Variants in SPOCK3 observed in about 807,000 individuals in gnomAD.
SPOCK3 encodes SPARC (osteonectin), cwcv and kazal like domains proteoglycan 3.
Under a neutral mutation model 56.6 loss-of-function variants are expected in SPOCK3, and 30 were observed. The ratio of observed to expected loss-of-function variants is 0.53; its 90% confidence interval spans 0.40 to 0.72. The LOEUF is 0.72. Among genes scored for constraint, SPOCK3 ranks in the 30% least tolerant of loss-of-function variants. SPOCK3 has a pLI of 0.00. For missense variants in SPOCK3, 527 were observed against 530.0 expected, an observed-to-expected ratio of 0.99 and a Z score of 0.06; for synonymous variants, 196 against 183.3, an observed-to-expected ratio of 1.07 and a Z score of -0.56.
intron 2 of SPOCK3, among the ~76,000 whole-genome samples, chr4:167,163,393 G>A (rs952277989): frequency 1.3e-4 from 20 of 151,464 alleles, no homozygotes; most frequent in Non-Finnish European, 2.7e-4. Context: ...TCACATCTGG[G>A]GAAACGGGGT....
chr4:167,070,136 T>G (rs1561185206), intron 2 of SPOCK3, among the ~76,000 whole-genome samples: 1 of 151,804 alleles, frequency 6.6e-6, no homozygotes, highest in Non-Finnish European at 1.5e-5. Flanking sequence ...TAGAACATAA[T>G]TACAAACACA....
intron 4 of SPOCK3, among the ~76,000 whole-genome samples, chr4:166,918,172 C>A (rs971213550): frequency 6.6e-6 from 1 of 152,108 alleles, no homozygotes; most frequent in Non-Finnish European, 1.5e-5. Context: ...TAGCAAAGGA[C>A]AGTTGCTATT....
At position 166,733,506 on chromosome 4, in the gene SPOCK3, ATAAT is replaced by A. The variant is rs1733942095; in HGVS notation, c.*1411_*1414del. 1 of 151,896 alleles carries A rather than the reference ATAAT, an allele frequency of 6.6e-6. No individual in the cohort carries two copies. Among genetic ancestry groups the A allele is most frequent in the South Asian group, 2.1e-4 (1 of 4,830 alleles). The allele number at this position is 151,896 out of a possible 1,614,324, so 9.4% of individuals were successfully genotyped here. On this transcript the variant is annotated 3_prime_UTR_variant, in exon 11 of 11. Coordinates refer to ENST00000357545, the MANE Select transcript of SPOCK3 (RefSeq NM_001040159.2). ...TTGAGTGTGTATAAATTAAATGGAA[ATAAT>A]TAATCAATTTTGCTTTCAATGAATT...
chr4:166,917,810 TTTC>T (rs1561007480), intron 4 of SPOCK3, among the ~76,000 whole-genome samples: 18 of 152,154 alleles, frequency 1.2e-4, no homozygotes, highest in Admixed American at 4.6e-4. Flanking sequence ...ATTAAACCTC[TTTC>T]CTTTACATAT....
intron 4 of SPOCK3, among the ~76,000 whole-genome samples, chr4:166,948,275 T>C (rs1320300222): frequency 2.0e-5 from 3 of 152,220 alleles, no homozygotes; most frequent in African/African-American, 7.2e-5. Flanking sequence ...AACACCTAGA[T>C]TGATTCCATA....
At chr4:167,095,647 G>A (rs1464976336) in intron 2 of SPOCK3, among the ~76,000 whole-genome samples, 1 of 151,502 alleles carries the variant, frequency 6.6e-6, no homozygotes, top group Admixed American at 6.6e-5. Flanking sequence ...GACATCAAAA[G>A]GATAATAAAC....
At chr4:166,937,955 T>G (rs1315705330) in intron 4 of SPOCK3, among the ~76,000 whole-genome samples, 2 of 148,670 alleles carry the variant, frequency 1.3e-5, no homozygotes, top group South Asian at 4.3e-4. Context: ...TTTTTTAATA[T>G]TTTTACTAGA....
intron 6 of SPOCK3, among the ~76,000 whole-genome samples, chr4:166,796,900 C>T (rs1417268461): frequency 6.6e-6 from 1 of 152,100 alleles, no homozygotes; most frequent in Non-Finnish European, 1.5e-5. Flanking sequence ...AAGTTGGCTC[C>T]AATGTGATTA....
At chr4:167,160,379 A>C (rs540667043) in intron 2 of SPOCK3, among the ~76,000 whole-genome samples, 1 of 152,036 alleles carries the variant, frequency 6.6e-6, no homozygotes, top group Non-Finnish European at 1.5e-5. Context: ...CCACTGCTCA[A>C]TGAAATAAAA....
intron 6 of SPOCK3, among the ~76,000 whole-genome samples, chr4:166,851,227 G>A (rs372920887): frequency 6.6e-5 from 10 of 152,048 alleles, no homozygotes; most frequent in East Asian, 1.9e-4. Context: ...TCACACGGCC[G>A]GGTACTCCAA....
At chr4:167,088,612 G>A (rs1758417402) in intron 2 of SPOCK3, among the ~76,000 whole-genome samples, 1 of 151,736 alleles carries the variant, frequency 6.6e-6, no homozygotes, top group Admixed American at 6.6e-5. Flanking sequence ...CTACAGGTGT[G>A]TGCCACCATG....
chr4:167,215,649 C>T (rs1048805891), intron 2 of SPOCK3, among the ~76,000 whole-genome samples: 1 of 152,062 alleles, frequency 6.6e-6, no homozygotes, highest in African/African-American at 2.4e-5. Context: ...GATCCGAAAG[C>T]AAATATGGTT....
intron 6 of SPOCK3, among the ~76,000 whole-genome samples, chr4:166,856,526 A>G (rs1730686604): frequency 2.0e-5 from 3 of 152,184 alleles, no homozygotes; most frequent in African/African-American, 7.2e-5. Context: ...CTGTAATCCC[A>G]GTACTTTGGG....
intron 10 of SPOCK3, 37 bp from the exon 11 acceptor site, chr4:166,735,127 A>C (rs12499704): frequency 0.35 from 462,228 of 1,311,778 alleles, 80,353 homozygotes; most frequent in Admixed American, 0.49. Context: ...CCTTTATTTG[A>C]CTGAATACTG....
chr4:167,176,805 C>T (rs1731024695), intron 2 of SPOCK3, among the ~76,000 whole-genome samples: 1 of 152,010 alleles, frequency 6.6e-6, no homozygotes, highest in African/African-American at 2.4e-5. Context: ...AGAACTGCTC[C>T]ATATGGAGAC....
Position 166,852,139 on chromosome 4 carries a change from A to G in SPOCK3, c.589+36991T>C, listed in dbSNP as rs556218331. 1.2e-3 allele frequency among the ~76,000 whole-genome samples: 189 copies of G among 151,532 alleles called. 1 individual carries two copies. Among genetic ancestry groups the G allele is most frequent in the African/African-American group, 4.3e-3 (176 of 41,264 alleles). ...AGGAAGGGGAACATCACACTCTGGGAACTGTTGTGGGTTGTGGGGAGGGGG... is the reference window on the plus strand; with the variant it reads ...AGGAAGGGGAACATCACACTCTGGGGACTGTTGTGGGTTGTGGGGAGGGGG... On this transcript the variant is annotated intron_variant, in intron 6 of 10. Coordinates refer to ENST00000357545, the MANE Select transcript of SPOCK3 (RefSeq NM_001040159.2).
intron 2 of SPOCK3, among the ~76,000 whole-genome samples, chr4:167,168,376 G>A (rs563854289): frequency 1.3e-5 from 2 of 152,288 alleles, no homozygotes; most frequent in East Asian, 3.9e-4. Flanking sequence ...AAGGCAGGAA[G>A]ATGTGGCAAA....
At chr4:167,209,724 GAAC>G (rs1734680886) in intron 2 of SPOCK3, among the ~76,000 whole-genome samples, 1 of 152,106 alleles carries the variant, frequency 6.6e-6, no homozygotes, top group African/African-American at 2.4e-5. Context: ...CATGTGCTTA[GAAC>G]ACTAGCAAAT....
chr4:166,765,369 C>T (rs1464316775), intron 7 of SPOCK3, among the ~76,000 whole-genome samples: 2 of 152,188 alleles, frequency 1.3e-5, no homozygotes, highest in African/African-American at 2.4e-5. Context: ...TTGTATAAGA[C>T]ATAAGGAAGG....
Sources: allele counts gnomAD v4.1 joint callset (sites outside exome capture counted in the v4.1 genomes callset), GRCh38; gene constraint gnomAD v4.1.1; transcripts MANE v1.5; gene names NCBI Gene and HGNC (gene_info 2026-07-23, HGNC 2026-07-21).